ACTR3: variants seen among roughly 807,000 people sequenced by gnomAD.
The protein encoded by ACTR3 is actin related protein 3, also known as actin-related protein 3.
ACTR3 carries 12 observed loss-of-function variants against 56.8 expected under a neutral mutation model. The ratio of observed to expected loss-of-function variants is 0.21; its 90% CI spans 0.14 to 0.34. ACTR3 has a LOEUF of 0.34. Among genes scored for constraint, ACTR3 ranks in the 10% least tolerant of loss-of-function variants. The probability of loss-of-function intolerance (pLI) is 1.00; values close to 1 mark genes in which losing one functional copy is unlikely to be tolerated. For synonymous variants in ACTR3, 162 were observed against 167.4 expected, an observed-to-expected ratio of 0.97 and a Z score of 0.25; for missense variants, 282 against 512.5, an observed-to-expected ratio of 0.55 and a Z score of 4.34.
intron 1 of ACTR3, among the ~76,000 whole-genome samples, chr2:113,891,623 T>A (rs896918751): frequency 1.3e-5 from 2 of 151,656 alleles, no homozygotes; most frequent in Non-Finnish European, 2.9e-5. Flanking sequence ...GGCTTTTTTT[T>A]TTATTATTAA....
chr2:113,906,261 G>A (rs1286848179), intron 1 of ACTR3, among the ~76,000 whole-genome samples: 2 of 151,994 alleles, frequency 1.3e-5, no homozygotes, highest in African/African-American at 4.8e-5. Flanking sequence ...ATCTTTTCTT[G>A]TGTTTATTGG....
chr2:113,960,666 C>T lies in ACTR3; in HGVS notation c.*3211C>T, dbSNP rs1351731457. Reference sequence around the variant, plus strand: ...GTCAATACTGAAGTCCAGTCTTTTCCCCCTTTTCTTACCAGCTCAACCTTG... The same window carrying T: ...GTCAATACTGAAGTCCAGTCTTTTCTCCCTTTTCTTACCAGCTCAACCTTG... On this transcript the variant is annotated 3_prime_UTR_variant, in exon 12 of 12. Coordinates refer to ENST00000263238, the MANE Select transcript of ACTR3 (RefSeq NM_005721.5). The T allele has an allele frequency of 6.6e-6, 1 of 151,800 alleles. No individual in the cohort carries two copies. Among genetic ancestry groups the T allele is most frequent in the African/African-American group, 2.4e-5 (1 of 41,350 alleles). The allele number at this position is 151,800 out of a possible 1,614,324, so 9.4% of individuals were successfully genotyped here.
intron 1 of ACTR3, among the ~76,000 whole-genome samples, chr2:113,903,835 TCTC>T (rs1390544742): frequency 4.0e-5 from 6 of 150,418 alleles, no homozygotes; most frequent in Non-Finnish European, 8.9e-5. Context: ...TACACTCTCT[TCTC>T]CTTCTGGGAC....
At chr2:113,926,133 A>G (rs912483781) in intron 3 of ACTR3, among the ~76,000 whole-genome samples, 1 of 152,202 alleles carries the variant, frequency 6.6e-6, no homozygotes. Flanking sequence ...CAGCTTCTCA[A>G]ACCTGGAATC....
At chr2:113,934,166 T>G (rs1338434182) in intron 5 of ACTR3, 113 bp from the exon 6 acceptor site, 1 of 697,418 alleles carries the variant, frequency 1.4e-6, no homozygotes, top group Non-Finnish European at 2.4e-6. Flanking sequence ...AGATACTACA[T>G]TTAAAATTGA....
intron 10 of ACTR3, 104 bp downstream of exon 10, chr2:113,951,949 C>T (rs1229581353): frequency 1.4e-6 from 2 of 1,417,226 alleles, no homozygotes; most frequent in Non-Finnish European, 1.9e-6. Context: ...TAAGAGGAAC[C>T]TGTCAGGTAT....
intron 10 of ACTR3, chr2:113,953,111 A>G (rs1680148212): frequency 6.6e-6 from 1 of 152,228 alleles, no homozygotes; most frequent in South Asian, 2.1e-4. Flanking sequence ...TTTAGTTTTT[A>G]ATAACTCATT....
chr2:113,941,502 A>G (rs1007809697), intron 7 of ACTR3, among the ~76,000 whole-genome samples: 2 of 152,114 alleles, frequency 1.3e-5, no homozygotes, highest in African/African-American at 2.4e-5. Flanking sequence ...ATTTGCATCT[A>G]TCTTGGATGG....
intron 1 of ACTR3, among the ~76,000 whole-genome samples, chr2:113,893,267 T>G (rs1373391742): frequency 6.6e-6 from 1 of 150,824 alleles, no homozygotes; most frequent in African/African-American, 2.5e-5. Context: ...GTTTTTTAAA[T>G]GTGTTTTTTG....
chr2:113,955,883 G>A (rs1232659614), intron 11 of ACTR3, among the ~76,000 whole-genome samples, 177 bp downstream of exon 11: 2 of 152,076 alleles, frequency 1.3e-5, no homozygotes, highest in Non-Finnish European at 2.9e-5. Flanking sequence ...AAGTAGCTGG[G>A]ACTACAGGCA....
intron 1 of ACTR3, among the ~76,000 whole-genome samples, chr2:113,897,359 A>C (rs1404701242): frequency 6.6e-6 from 1 of 152,096 alleles, no homozygotes; most frequent in Non-Finnish European, 1.5e-5. Flanking sequence ...AAGAAAAAAA[A>C]TTCTAGTTTT....
intron 3 of ACTR3, among the ~76,000 whole-genome samples, chr2:113,920,402 TG>T (rs1679485898): frequency 6.6e-6 from 1 of 152,254 alleles, no homozygotes; most frequent in Non-Finnish European, 1.5e-5. Flanking sequence ...TACATATTTA[TG>T]GAGTATGTAG....
In ACTR3 at chr2:113,957,956, G is replaced by A. The variant is rs6642; in HGVS notation, c.*501G>A. The A allele has an allele frequency of 0.47, 71,086 of 152,620 alleles. 20,296 individuals are homozygous for A. The highest frequency in any genetic ancestry group is 0.66 in the Middle Eastern group (192 of 290). 9.5% of individuals were successfully genotyped at this position (152,620 alleles called of 1,614,324 possible). ...CTCATGAGACTTGGCATACACACTC[G>A]TGGGATTCCAGTTATTATGGAGTGC... On this transcript the variant is annotated 3_prime_UTR_variant, in exon 12 of 12. Coordinates refer to ENST00000263238, the MANE Select transcript of ACTR3 (RefSeq NM_005721.5).
At chr2:113,894,772 A>G (rs1678974005) in intron 1 of ACTR3, among the ~76,000 whole-genome samples, 1 of 152,218 alleles carries the variant, frequency 6.6e-6, no homozygotes, top group Admixed American at 6.5e-5. Context: ...TTATAAGTGA[A>G]AAAACAGAAT....
intron 8 of ACTR3, among the ~76,000 whole-genome samples, chr2:113,945,392 G>T (rs947409834): frequency 6.6e-6 from 1 of 152,136 alleles, no homozygotes; most frequent in African/African-American, 2.4e-5. Context: ...GGATGGAGCT[G>T]TTTCTTGATA....
chr2:113,926,177 A>T (rs914443728), intron 3 of ACTR3, among the ~76,000 whole-genome samples: 1 of 152,236 alleles, frequency 6.6e-6, no homozygotes, highest in Non-Finnish European at 1.5e-5. Context: ...TTCTTGTTTT[A>T]TATCGATGTT....
In ACTR3 at chr2:113,910,039, G is replaced by T. The variant is rs191505714; in HGVS notation, c.45-3133G>T. Among the ~76,000 whole-genome samples the T allele has an allele frequency of 2.2e-3, 324 of 150,394 alleles. 12 individuals carry two copies. Among genetic ancestry groups the T allele is most frequent in the Admixed American group, 0.019 (285 of 15,124 alleles). ...TAATTCTTAGAAACTCCAAAGTGACGTCTGTTTGAGTGCTAATGGGATGAC... is the reference window on the plus strand; with the variant it reads ...TAATTCTTAGAAACTCCAAAGTGACTTCTGTTTGAGTGCTAATGGGATGAC... On this transcript the variant is annotated intron_variant, in intron 1 of 11. Coordinates refer to ENST00000263238, the MANE Select transcript of ACTR3 (RefSeq NM_005721.5).
intron 1 of ACTR3, among the ~76,000 whole-genome samples, chr2:113,902,532 C>T (rs1257405694): frequency 5.9e-5 from 9 of 151,890 alleles, no homozygotes; most frequent in African/African-American, 1.9e-4. Context: ...TTCATTACTG[C>T]CATAGTAAGA....
chr2:113,894,173 TCC>T (rs1678960325), intron 1 of ACTR3, among the ~76,000 whole-genome samples: 1 of 151,654 alleles, frequency 6.6e-6, no homozygotes, highest in African/African-American at 2.4e-5. Flanking sequence ...CACTGCAACC[TCC>T]TTCTGCCTCC....
Sources: allele counts gnomAD v4.1 joint callset (sites outside exome capture counted in the v4.1 genomes callset), GRCh38; gene constraint gnomAD v4.1.1; transcripts MANE v1.5; gene names NCBI Gene and HGNC (gene_info 2026-07-23, HGNC 2026-07-21).